DENND1A: variants seen among roughly 807,000 people sequenced by gnomAD.
The protein encoded by DENND1A is DENN domain-containing protein 1A.
Under a neutral mutation model 113.7 loss-of-function variants are expected in DENND1A, and 51 were observed. The ratio of observed to expected loss-of-function variants is 0.45; its 90% confidence interval spans 0.36 to 0.57. The LOEUF is 0.57. Among genes scored for constraint, DENND1A ranks in the 20% least tolerant of loss-of-function variants. The probability of loss-of-function intolerance (pLI) is 0.00; values close to 1 mark genes in which losing one functional copy is unlikely to be tolerated. For missense variants in DENND1A, 1,258 were observed against 1,395.9 expected (o/e 0.90, Z 1.57); for synonymous variants, 565 against 570.8 (o/e 0.99, Z 0.14).
intron 10 of DENND1A, among the ~76,000 whole-genome samples, chr9:123,625,324 C>G (rs1265540663): frequency 1.3e-5 from 2 of 152,386 alleles, no homozygotes; most frequent in Middle Eastern, 3.4e-3. Flanking sequence ...CAGTGTTCAA[C>G]AGTGGCAGCT....
At chr9:123,747,549 G>A (rs1589916697) in intron 5 of DENND1A, among the ~76,000 whole-genome samples, 1 of 152,110 alleles carries the variant, frequency 6.6e-6, no homozygotes, top group East Asian at 1.9e-4. Context: ...GTAGATTCAA[G>A]TCCATGAGTA....
At chr9:123,480,494 T>C (rs1310268373) in intron 13 of DENND1A, among the ~76,000 whole-genome samples, 1 of 152,202 alleles carries the variant, frequency 6.6e-6, no homozygotes, top group Non-Finnish European at 1.5e-5. Context: ...GCTCACGGTA[T>C]TCCCTCTGCT....
In DENND1A at chr9:123,381,062, G is replaced by C. The variant is rs573624733; in HGVS notation, c.*370C>G. On this transcript the variant is annotated 3_prime_UTR_variant, in exon 24 of 24. Transcript: ENST00000394215. This position sits in a 1 kb window ranked among gnomAD's most constrained non-coding sequence, Gnocchi z 4.7. Reference sequence around the variant, plus strand: ...TGGAGGAGACAGGAGAGCTGGGCTCGGAGGGGAGGCCTTCGGAGCCTCTTG... The same window carrying C: ...TGGAGGAGACAGGAGAGCTGGGCTCCGAGGGGAGGCCTTCGGAGCCTCTTG... 1 of 239,916 alleles carries C rather than the reference G, an allele frequency of 4.2e-6. No individual in the cohort carries two copies. Among genetic ancestry groups the C allele is most frequent in the Non-Finnish European group, 8.1e-6 (1 of 122,856 alleles). The allele number at this position is 239,916 out of a possible 1,614,324, so 14.9% of individuals were successfully genotyped here. A position where few individuals can be genotyped will look rare whatever the true frequency, so the allele number is the denominator to read the frequency against.
At position 123,387,742 on chromosome 9, in the gene DENND1A, G is replaced by A. The variant is rs1328914169; in HGVS notation, c.1748C>T (p.Ala583Val). The change falls in exon 22 of 24, where the codon GCT becomes GTT. Residue 583 changes from alanine to valine, a missense_variant. By Grantham distance (64) the Ala-to-Val change is moderately conservative (BLOSUM62 0). Around this residue, in one of 2 missense-constraint regions of DENND1A, gnomAD observed 1,159 missense variants for 1,231.7 expected, o/e 0.94. Transcript: ENST00000394215. ...AGGAAGGAGAGACCATTCAAAGGGA[G>A]CGGAGAAGAAAAAGCTCTCGGTGAA... ...SGFTESFFFS[A>V]PFEWPQPYRT... The A allele has an allele frequency of 1.9e-5, 25 of 1,289,744 alleles. No homozygotes were observed. Among genetic ancestry groups the A allele is most frequent in the Non-Finnish European group, 2.3e-5 (23 of 988,884 alleles). 79.9% of individuals were successfully genotyped at this position (1,289,744 alleles called of 1,614,324 possible).
chr9:123,695,123 C>T (rs755177694), intron 5 of DENND1A, among the ~76,000 whole-genome samples: 1 of 152,082 alleles, frequency 6.6e-6, no homozygotes. Context: ...AGTTTTGGGA[C>T]TCGGACTGGC....
intron 5 of DENND1A, among the ~76,000 whole-genome samples, chr9:123,718,625 T>A (rs1162659711): frequency 6.6e-6 from 1 of 152,212 alleles, no homozygotes; most frequent in Non-Finnish European, 1.5e-5. Context: ...GTTACTCATA[T>A]GAGATCCAGG....
intron 19 of DENND1A, among the ~76,000 whole-genome samples, chr9:123,428,488 G>A (rs2045905594): frequency 6.6e-6 from 1 of 152,152 alleles, no homozygotes. Context: ...TTGAAAACCA[G>A]CACAAGACAG....
At chr9:123,750,960 T>C (rs1177543911) in intron 5 of DENND1A, among the ~76,000 whole-genome samples, 1 of 152,198 alleles carries the variant, frequency 6.6e-6, no homozygotes, top group Non-Finnish European at 1.5e-5. Flanking sequence ...ATCTGGGAGC[T>C]GTCCCCACAG....
chr9:123,500,667 G>C (rs773107005), intron 13 of DENND1A, among the ~76,000 whole-genome samples: 1 of 152,256 alleles, frequency 6.6e-6, no homozygotes, highest in South Asian at 2.1e-4. Context: ...CTCCCTCTTA[G>C]CATGAAGGGC....
chr9:123,571,073 C>T (rs947076806), intron 12 of DENND1A, among the ~76,000 whole-genome samples: 2 of 151,884 alleles, frequency 1.3e-5, no homozygotes, highest in Admixed American at 6.6e-5. Flanking sequence ...ACCTTGCCAA[C>T]CTCATTTTTT....
At chr9:123,630,271 A>T in intron 10 of DENND1A, 105 bp downstream of exon 10, 1 of 397,242 alleles carries the variant, frequency 2.5e-6, no homozygotes, top group Non-Finnish European at 3.9e-6. Flanking sequence ...GATGAAGTTA[A>T]TATTTTTAAT....
intron 12 of DENND1A, among the ~76,000 whole-genome samples, chr9:123,561,975 T>A (rs971794890): frequency 6.6e-6 from 1 of 152,174 alleles, no homozygotes; most frequent in Non-Finnish European, 1.5e-5. Flanking sequence ...TTCAGCTCCA[T>A]CACCCTCTCT....
At chr9:123,776,432 A>G (rs1830481880) in intron 3 of DENND1A, among the ~76,000 whole-genome samples, 1 of 152,216 alleles carries the variant, frequency 6.6e-6, no homozygotes. Context: ...AATTATTAAA[A>G]TTTATACAGG....
chr9:123,816,262 A>G (rs752851920), intron 2 of DENND1A, among the ~76,000 whole-genome samples: 44 of 152,086 alleles, frequency 2.9e-4, no homozygotes, highest in Non-Finnish European at 5.6e-4. Context: ...TTGGCATCCC[A>G]AAGTCCTGGG....
chr9:123,872,560 C>T (rs1353793272), intron 2 of DENND1A, among the ~76,000 whole-genome samples: 1 of 152,044 alleles, frequency 6.6e-6, no homozygotes, highest in Non-Finnish European at 1.5e-5. Context: ...AGTAAATATA[C>T]TGAAACATTA....
intron 9 of DENND1A, among the ~76,000 whole-genome samples, chr9:123,647,156 T>A (rs2062382839): frequency 6.6e-6 from 1 of 152,174 alleles, no homozygotes; most frequent in African/African-American, 2.4e-5. Flanking sequence ...TACCTTCTTT[T>A]TAGGCCTCTA....
rs764492012 is a variant in DENND1A at position 123,671,369 on chromosome 9, T to C, written c.375A>G (p.Glu125=). ...ILADYTTKRQ[E]NQWNELLETL... The stretch of plus-strand genomic sequence containing the variant: ...TTTCAAGAAGCTCATTCCACTGATT[T>C]TCCTGAAAGAAATAAAAGGCCTAAG... Residue 125 remains glutamate, a splice_region_variant and synonymous_variant, in exon 7 of 24, where the codon GAA becomes GAG. Coordinates refer to ENST00000394215, the MANE Select transcript of DENND1A (RefSeq NM_001352964.2). 13 of 1,613,698 alleles carry C rather than the reference T, an allele frequency of 8.1e-6. No individual in the cohort carries two copies. In the Admixed American group the frequency reaches 8.3e-5, roughly 10 times the overall value.
intron 5 of DENND1A, among the ~76,000 whole-genome samples, chr9:123,700,272 A>G (rs1323152736): frequency 2.0e-5 from 3 of 152,174 alleles, no homozygotes; most frequent in African/African-American, 2.4e-5. Flanking sequence ...AGCTTGCCCA[A>G]TTCTGAAGGA....
At chr9:123,853,412 C>A (rs903141621) in intron 2 of DENND1A, among the ~76,000 whole-genome samples, 8 of 151,526 alleles carry the variant, frequency 5.3e-5, no homozygotes. Flanking sequence ...ACCTGTAATC[C>A]CAGCACTTTG....
Sources: gnomAD v4.1 joint callset for allele counts (sites outside exome capture counted in the v4.1 genomes callset) on GRCh38, gnomAD v4.1.1 for gene constraint, gnomAD v4.1.1 regional missense constraint, Gnocchi (gnomAD v3.1) non-coding constraint, MANE v1.5 for transcripts, NCBI Gene and HGNC (gene_info 2026-07-23, HGNC 2026-07-21) for gene names.